Variants in INTS14 observed in about 807,000 individuals in gnomAD.
INTS14 encodes UPF0464 protein C15orf44.
In INTS14, 27 loss-of-function variants were observed where a neutral mutation model predicts 56.9. That is an observed-to-expected ratio of 0.47 (90% CI 0.35 to 0.65). The LOEUF (loss-of-function observed/expected upper bound fraction) is 0.65, where lower values mean the gene tolerates loss of function less well. Among genes scored for constraint, INTS14 ranks in the 30% least tolerant of loss-of-function variants. INTS14 has a pLI of 0.00. For missense variants in INTS14, 517 were observed against 632.2 expected, an observed-to-expected ratio of 0.82 and a Z score of 1.95; for synonymous variants, 207 against 236.2, an observed-to-expected ratio of 0.88 and a Z score of 1.13.
At chr15:65,609,995 C>T (rs1343364563) in intron 1 of INTS14, among the ~76,000 whole-genome samples, 1 of 151,012 alleles carries the variant, frequency 6.6e-6, no homozygotes, top group Admixed American at 6.6e-5. Flanking sequence ...CGTGGGAGAT[C>T]AATTTAGTAC....
intron 10 of INTS14, among the ~76,000 whole-genome samples, chr15:65,584,055 CAATA>C (rs1218812509): frequency 1.3e-5 from 2 of 152,156 alleles, no homozygotes; most frequent in Non-Finnish European, 2.9e-5. Context: ...AAAAAAGTTT[CAATA>C]AGTGATTTTT....
chr15:65,590,639 C>T (rs2072991163), intron 9 of INTS14, among the ~76,000 whole-genome samples: 1 of 152,198 alleles, frequency 6.6e-6, no homozygotes, highest in Non-Finnish European at 1.5e-5. Context: ...GAAGATTCTC[C>T]TGAGTCCTCT....
At chr15:65,588,115 C>T (rs934727758) in intron 9 of INTS14, among the ~76,000 whole-genome samples, 2 of 147,388 alleles carry the variant, frequency 1.4e-5, no homozygotes, top group South Asian at 4.3e-4. Flanking sequence ...ATGGTGAAAC[C>T]CCGTACCTAC....
At chr15:65,596,912 A>G (rs17809330) in intron 6 of INTS14, among the ~76,000 whole-genome samples, 86,601 of 152,068 alleles carry the variant, frequency 0.57, 27,137 homozygotes, top group African/African-American at 0.84. Context: ...TTTGCTGTCC[A>G]TACCTCCCTT....
At chr15:65,590,224 C>T (rs1402032524) in intron 9 of INTS14, among the ~76,000 whole-genome samples, 1 of 152,240 alleles carries the variant, frequency 6.6e-6, no homozygotes, top group Non-Finnish European at 1.5e-5. Flanking sequence ...CCACACTCCA[C>T]AGAGATATCT....
chr15:65,592,496 G>C (rs561844755), intron 8 of INTS14, among the ~76,000 whole-genome samples: 1 of 152,310 alleles, frequency 6.6e-6, no homozygotes, highest in East Asian at 1.9e-4. Flanking sequence ...AAGGAACACA[G>C]CAGAATGATT....
At chr15:65,591,827 G>A (rs2073044691) in intron 8 of INTS14, 96 bp from the exon 9 acceptor site, 2 of 1,407,038 alleles carry the variant, frequency 1.4e-6, no homozygotes, top group Non-Finnish European at 1.9e-6. Context: ...AGAGACACAG[G>A]CTTCAGCTTT....
Position 65,579,281 on chromosome 15 carries a change from G to T in INTS14, c.*127C>A. On this transcript the variant is annotated 3_prime_UTR_variant, in exon 12 of 12. Coordinates refer to ENST00000313182, the MANE Select transcript of INTS14 (RefSeq NM_001394796.1). The stretch of plus-strand genomic sequence containing the variant: ...AGTAGAGTCATTCAAAACAGCAAGT[G>T]GTGCTTCTGAGGCAGCCTCAGGAAG... 7.5e-7 allele frequency: 1 copy of T among 1,325,350 alleles called. No homozygotes were observed. The highest frequency in any genetic ancestry group is 1.0e-6 in the Non-Finnish European group (1 of 969,890). 82.1% of individuals were successfully genotyped at this position (1,325,350 alleles called of 1,614,324 possible).
rs776699199 is a variant in INTS14 at position 65,599,820 on chromosome 15, G to C, written c.440C>G (p.Pro147Arg). 96 of 1,614,196 alleles carry C rather than the reference G, an allele frequency of 5.9e-5. No individual in the cohort carries two copies. Among genetic ancestry groups the C allele is most frequent in the Non-Finnish European group, 7.9e-5 (93 of 1,180,038 alleles). Reference protein sequence around the residue: ...SESNRFPLPFPFPSKLYIMCM... With the variant: ...SESNRFPLPFRFPSKLYIMCM... ...CATGATATATAACTTAGATGGGAAA[G>C]GAAAAGGTAGTGGAAACCTGTTGCT... The change falls in exon 4 of 12, where the codon CCT becomes CGT. Residue 147 changes from proline (P) to arginine (R), a missense_variant. Coordinates refer to ENST00000313182, the MANE Select transcript of INTS14 (RefSeq NM_001394796.1).
At chr15:65,581,044 G>T (rs1039504033) in intron 11 of INTS14, among the ~76,000 whole-genome samples, 2 of 152,120 alleles carry the variant, frequency 1.3e-5, no homozygotes, top group African/African-American at 4.8e-5. Flanking sequence ...AGGAGTTCGG[G>T]ACCAGCCTGG....
intron 9 of INTS14, among the ~76,000 whole-genome samples, chr15:65,590,699 T>A (rs2072994196): frequency 6.6e-6 from 1 of 152,212 alleles, no homozygotes; most frequent in Non-Finnish European, 1.5e-5. Context: ...TTTGTGCCAG[T>A]CTGTGATCAT....
chr15:65,579,252 T>C lies in INTS14; in HGVS notation c.*156A>G. On this transcript the variant is annotated 3_prime_UTR_variant, in exon 12 of 12. Transcript: ENST00000313182. ...GCCAACCACCTTCACATCCTTCTCA[T>C]ACTAGTAGAGTCATTCAAAACAGCA... 1.9e-6 allele frequency: 2 copies of C among 1,034,328 alleles called. No individual in the cohort carries two copies. The highest frequency in any genetic ancestry group is 3.3e-5 in the South Asian group (2 of 60,412). The allele number at this position is 1,034,328 out of a possible 1,614,324, so 64.1% of individuals were successfully genotyped here.
intron 4 of INTS14, chr15:65,599,379 G>T (rs945573644): frequency 5.4e-6 from 1 of 186,076 alleles, no homozygotes; most frequent in Non-Finnish European, 1.1e-5. Context: ...GGAAAACCAA[G>T]AATTTAAGTG....
intron 5 of INTS14, 68 bp from the exon 6 acceptor site, chr15:65,598,531 G>T: frequency 1.4e-6 from 2 of 1,480,894 alleles, no homozygotes; most frequent in Non-Finnish European, 1.8e-6. Flanking sequence ...TTTTCAGGAC[G>T]CAAGGGTTGT....
In INTS14 at chr15:65,611,087, T is replaced by C. The variant is rs925188015; in HGVS notation, c.-63+11A>G. 7 of 1,535,536 alleles carry C rather than the reference T, an allele frequency of 4.6e-6. No homozygotes were observed. In the African/African-American group the frequency reaches 6.8e-5, roughly 15 times the overall value. ...GAAAGGCAGTCCCGGGCCCTCGGCC[T>C]CCCCACTCACCCCGTGCCCATCGCC... On this transcript the variant is annotated intron_variant, in intron 1 of 11. Coordinates refer to ENST00000313182, the MANE Select transcript of INTS14 (RefSeq NM_001394796.1).
chr15:65,602,285 A>AC (rs1455906755), intron 3 of INTS14, among the ~76,000 whole-genome samples: 2 of 113,006 alleles, frequency 1.8e-5, no homozygotes, highest in East Asian at 6.8e-4. Flanking sequence ...TAAAAATTCC[A>AC]CTTTTTTTTT....
intron 9 of INTS14, among the ~76,000 whole-genome samples, chr15:65,585,848 C>A (rs1476575442): frequency 1.3e-5 from 2 of 152,188 alleles, no homozygotes; most frequent in African/African-American, 4.8e-5. Flanking sequence ...AATTGAAACA[C>A]CTTGATATTG....
intron 2 of INTS14, among the ~76,000 whole-genome samples, chr15:65,606,843 A>G (rs575835852): frequency 6.6e-6 from 1 of 152,328 alleles, no homozygotes; most frequent in East Asian, 1.9e-4. Flanking sequence ...AAAAAAATTA[A>G]GTGTTGAGCC....
intron 3 of INTS14, among the ~76,000 whole-genome samples, chr15:65,601,382 AC>A (rs1596261718): frequency 1.3e-5 from 2 of 152,144 alleles, no homozygotes; most frequent in East Asian, 3.9e-4. Flanking sequence ...TCACTCTGTC[AC>A]CCAGGCTGGA....
Sources: allele counts gnomAD v4.1 joint callset (sites outside exome capture counted in the v4.1 genomes callset), GRCh38; gene constraint gnomAD v4.1.1; transcripts MANE v1.5; gene names NCBI Gene and HGNC (gene_info 2026-07-23, HGNC 2026-07-21).